Variants in PCDH15 observed in about 807,000 individuals in gnomAD.
PCDH15 encodes protocadherin related 15.
In PCDH15, 129 loss-of-function variants were observed where a neutral mutation model predicts 178.5. That is an observed-to-expected ratio of 0.72 (90% CI 0.63 to 0.84). The LOEUF (loss-of-function observed/expected upper bound fraction) is 0.84, where lower values mean the gene tolerates loss of function less well. PCDH15 is among the 40% of genes least tolerant of loss of function. PCDH15 has a pLI of 0.00. For synonymous variants in PCDH15, 800 were observed against 732.0 expected (o/e 1.09, Z -1.50); for missense variants, 2,230 against 2,099.9 (o/e 1.06, Z -1.21).
At position 54,021,332 on chromosome 10, in the gene PCDH15, C is replaced by T. The variant is rs536050391; in HGVS notation, c.2527-916G>A. Among the ~76,000 whole-genome samples the T allele has an allele frequency of 2.0e-4, 30 of 152,096 alleles. No homozygotes were observed. The South Asian group carries it at 3.5e-3, about 18-fold the overall frequency. On this transcript the variant is annotated intron_variant, in intron 19 of 37. Transcript: ENST00000644397. ...GTGCATTTTTAAATGCAAACACCTC[C>T]TATGGTGAACCTCAGCCTTGGTCTC...
chr10:54,075,143 T>C (rs202105283), intron 17 of PCDH15, among the ~76,000 whole-genome samples: 7 of 152,060 alleles, frequency 4.6e-5, no homozygotes, highest in East Asian at 3.9e-4. Context: ...TTTGGGAGGC[T>C]GAGGCAGGCA....
chr10:54,498,679 A>T (rs561390816), intron 3 of PCDH15, among the ~76,000 whole-genome samples: 3 of 152,276 alleles, frequency 2.0e-5, no homozygotes, highest in Non-Finnish European at 4.4e-5. Context: ...ACAATTATTA[A>T]AAAAAAGATG....
At chr10:55,614,358 A>G (rs552271245) in intron 2 of PCDH15, among the ~76,000 whole-genome samples, 6 of 152,154 alleles carry the variant, frequency 3.9e-5, no homozygotes, top group Non-Finnish European at 8.8e-5. Context: ...ATATCCATTA[A>G]TATTATAGCA....
At chr10:54,092,467 A>G (rs1191636153) in intron 15 of PCDH15, among the ~76,000 whole-genome samples, 1 of 151,992 alleles carries the variant, frequency 6.6e-6, no homozygotes, top group Non-Finnish European at 1.5e-5. Flanking sequence ...TGCCATACAC[A>G]CTAAAATAAA....
rs1420317076 is a variant in PCDH15, at chr10:54,316,752, T to TA, written c.876+518dup. On this transcript the variant is annotated intron_variant, in intron 8 of 37. Transcript: ENST00000644397. Reference sequence around the variant, plus strand: ...TTTATCAAAAATACAGGATTAAGTGTAGAAAATATGTATTCATGCTTCACC... The same window carrying TA: ...TTTATCAAAAATACAGGATTAAGTGTAAGAAAATATGTATTCATGCTTCACC... Among the ~76,000 whole-genome samples, 4 of 152,290 alleles carry TA rather than the reference T, an allele frequency of 2.6e-5. No homozygotes were observed. The East Asian group carries it at 7.7e-4, about 29-fold the overall frequency.
rs758653671 is a variant in PCDH15, at chr10:53,957,523, A to G, written c.3122+2209T>C. On this transcript the variant is annotated intron_variant, in intron 23 of 37. Coordinates refer to ENST00000644397, the MANE Select transcript of PCDH15 (RefSeq NM_001384140.1). ...ACTATGTTTTTTTTTTTTTCCTGAT[A>G]ACCCAGACAGTTACTAAGTGACTGA... Among the ~76,000 whole-genome samples the G allele has an allele frequency of 2.3e-4, 21 of 90,580 alleles. 1 individual carries two copies. Among genetic ancestry groups the G allele is most frequent in the Admixed American group, 1.1e-3 (8 of 7,568 alleles). The allele number at this position is 90,580 out of a possible 152,430, so 59.4% of individuals were successfully genotyped here.
intron 30 of PCDH15, 36 bp downstream of exon 30, chr10:53,831,279 A>G (rs2077000174): frequency 6.3e-7 from 1 of 1,592,478 alleles, no homozygotes. Context: ...ATGACTTCTG[A>G]GGAACTATCC....
chr10:54,794,104 C>A (rs1338199864), intron 1 of PCDH15, among the ~76,000 whole-genome samples: 1 of 145,196 alleles, frequency 6.9e-6, no homozygotes, highest in Admixed American at 6.9e-5. Context: ...ATATATATTT[C>A]TTTCCTTTAA....
chr10:54,651,437 T>G (rs1264409348), intron 2 of PCDH15, among the ~76,000 whole-genome samples: 1 of 152,156 alleles, frequency 6.6e-6, no homozygotes. Flanking sequence ...AAATAGAGAT[T>G]AGCGGTTCAC....
In PCDH15 at chr10:53,866,874, A is replaced by T. The variant is rs1564640596; in HGVS notation, c.3502-17T>A. The T allele has an allele frequency of 6.5e-7, 1 of 1,531,448 alleles. No individual in the cohort carries two copies. 94.9% of individuals were successfully genotyped at this position (1,531,448 alleles called of 1,614,324 possible). A position where few individuals can be genotyped will look rare whatever the true frequency, so the allele number is the denominator to read the frequency against. On this transcript the variant is annotated splice_polypyrimidine_tract_variant and intron_variant, in intron 26 of 37. Transcript: ENST00000644397. Reference sequence around the variant, plus strand: ...ATCAGTAGCCTAGACGGAGGGGAAAAAAAAAGAGATTATAATTAAGCAGGA... The same window carrying T: ...ATCAGTAGCCTAGACGGAGGGGAAATAAAAAGAGATTATAATTAAGCAGGA...
chr10:54,792,054 C>A (rs932710950), intron 1 of PCDH15, among the ~76,000 whole-genome samples: 3 of 151,864 alleles, frequency 2.0e-5, no homozygotes, highest in African/African-American at 4.8e-5. Context: ...TAAGGGCCAA[C>A]AACAACATGG....
At chr10:54,404,963 CA>C (rs1331740431) in intron 3 of PCDH15, among the ~76,000 whole-genome samples, 1 of 151,864 alleles carries the variant, frequency 6.6e-6, no homozygotes, top group Admixed American at 6.6e-5. Flanking sequence ...TCGCACCAGT[CA>C]AAATGGCTAT....
chr10:54,450,322 C>A (rs2076398962), intron 3 of PCDH15, among the ~76,000 whole-genome samples: 1 of 151,144 alleles, frequency 6.6e-6, no homozygotes, highest in Admixed American at 6.6e-5. Flanking sequence ...TTGCAAAAGG[C>A]ATTGAAGATT....
chr10:54,557,986 A>G (rs974225886), intron 2 of PCDH15, among the ~76,000 whole-genome samples: 21 of 152,224 alleles, frequency 1.4e-4, no homozygotes, highest in Admixed American at 1.4e-3. Context: ...ATTTCTATGT[A>G]GCCACTCTGA....
rs186691536 is a variant in PCDH15 at position 54,945,825 on chromosome 10, C to A, written c.-79-48325G>T. Among the ~76,000 whole-genome samples, 12 of 151,868 alleles carry A rather than the reference C, an allele frequency of 7.9e-5. No individual in the cohort carries two copies. In the East Asian group the frequency reaches 2.3e-3, roughly 30 times the overall value. ...AAATGTCAGCAAGTATTGGGATCTG[C>A]AGATTTATTTTAAAGACTGGGTGAG... On this transcript the variant is annotated intron_variant, in intron 2 of 5. Coordinates refer to the PCDH15 transcript ENST00000458638.
intron 1 of PCDH15, among the ~76,000 whole-genome samples, chr10:55,209,618 C>T (rs1840506275): frequency 6.6e-6 from 1 of 151,936 alleles, no homozygotes; most frequent in Non-Finnish European, 1.5e-5. Flanking sequence ...AGGACCACTC[C>T]TGGGTATTTT....
chr10:54,497,705 C>T (rs1000264034), intron 3 of PCDH15, among the ~76,000 whole-genome samples: 2 of 151,860 alleles, frequency 1.3e-5, no homozygotes, highest in Non-Finnish European at 2.9e-5. Context: ...GAAAGAACCT[C>T]CAGGGCTTGA....
intron 8 of PCDH15, among the ~76,000 whole-genome samples, chr10:54,248,617 G>T (rs1383055167): frequency 6.6e-6 from 1 of 152,026 alleles, no homozygotes; most frequent in East Asian, 1.9e-4. Context: ...AAAGCTCACA[G>T]TATCAGGGAT....
intron 25 of PCDH15, among the ~76,000 whole-genome samples, chr10:53,929,526 AAAT>A (rs1335501356): frequency 6.6e-6 from 1 of 152,182 alleles, no homozygotes; most frequent in Non-Finnish European, 1.5e-5. Flanking sequence ...TAGGACTAAA[AAAT>A]AATATGTGAC....
Sources: gnomAD v4.1 joint callset for allele counts (sites outside exome capture counted in the v4.1 genomes callset) on GRCh38, gnomAD v4.1.1 for gene constraint, MANE v1.5 for transcripts, NCBI Gene and HGNC (gene_info 2026-07-23, HGNC 2026-07-21) for gene names.